Variants in USP48 observed in about 807,000 individuals in gnomAD.
USP48 encodes ubiquitin carboxyl-terminal hydrolase 48.
In USP48, 43 loss-of-function variants were observed where a neutral mutation model predicts 150.7. That is an observed-to-expected ratio of 0.29 (90% CI 0.22 to 0.37). USP48 has a LOEUF of 0.37. USP48 is among the 10% of genes least tolerant of loss of function. The pLI is 1.00. For missense variants in USP48, 813 were observed against 1,249.6 expected (o/e 0.65, Z 5.27); for synonymous variants, 396 against 425.9 (o/e 0.93, Z 0.86).
chr1:21,763,922 A>G (rs960605303), intron 1 of USP48, among the ~76,000 whole-genome samples: 7 of 152,222 alleles, frequency 4.6e-5, no homozygotes, highest in African/African-American at 1.2e-4. Flanking sequence ...AGCCAGCCTT[A>G]GCAGCACAGC....
At position 21,748,124 on chromosome 1, in the gene USP48, T is replaced by C. The variant is rs1479409839; in HGVS notation, c.908+14A>G. 1.2e-6 allele frequency: 2 copies of C among 1,609,956 alleles called. No homozygotes were observed. Among genetic ancestry groups the C allele is most frequent in the Non-Finnish European group, 1.7e-6 (2 of 1,178,134 alleles). On this transcript the variant is annotated intron_variant, in intron 7 of 26. Transcript: ENST00000308271. Reference sequence around the variant, plus strand: ...CACAATGAACAACAAACACTAATATTTGCACACATTTACCTGTCAAAGACA... The same window carrying C: ...CACAATGAACAACAAACACTAATATCTGCACACATTTACCTGTCAAAGACA...
chr1:21,746,730 T>C (rs1410273468), intron 8 of USP48, among the ~76,000 whole-genome samples: 1 of 152,174 alleles, frequency 6.6e-6, no homozygotes, highest in Non-Finnish European at 1.5e-5. Flanking sequence ...TGGAGACTGT[T>C]AGTTTTGAGA....
chr1:21,686,909 G>A, intron 25 of USP48: 3 of 444,612 alleles, frequency 6.7e-6, no homozygotes, highest in South Asian at 5.2e-5. Context: ...GTGTGTGCCT[G>A]TCTGGGGCAC....
chr1:21,736,097 T>G (rs761713999), intron 9 of USP48, among the ~76,000 whole-genome samples: 3 of 151,560 alleles, frequency 2.0e-5, no homozygotes, highest in Admixed American at 6.6e-5. Context: ...TTTGACAAAA[T>G]TTTTACCTGA....
chr1:21,706,723 G>C, intron 16 of USP48, 21 bp downstream of exon 16: 2 of 1,610,644 alleles, frequency 1.2e-6, no homozygotes, highest in African/African-American at 1.3e-5. Flanking sequence ...CATTTCCCCA[G>C]ATGTCAGTAG....
intron 1 of USP48, among the ~76,000 whole-genome samples, chr1:21,767,950 G>A (rs1295175497): frequency 2.6e-5 from 4 of 152,148 alleles, no homozygotes; most frequent in Non-Finnish European, 5.9e-5. Flanking sequence ...GCTCACGCCT[G>A]CAATCCCAGC....
intron 23 of USP48, among the ~76,000 whole-genome samples, chr1:21,691,166 T>C (rs1299540062): frequency 6.6e-6 from 1 of 151,594 alleles, no homozygotes; most frequent in African/African-American, 2.4e-5. Flanking sequence ...AATACAAAAT[T>C]AGCTGAGTAT....
chr1:21,729,947 A>T, intron 9 of USP48, 115 bp from the exon 10 acceptor site: 1 of 1,248,130 alleles, frequency 8.0e-7, no homozygotes, highest in Non-Finnish European at 1.1e-6. Context: ...ATTAACACCA[A>T]TCTAAAACAT....
At chr1:21,714,637 C>G (rs1169976270) in intron 15 of USP48, among the ~76,000 whole-genome samples, 1 of 152,178 alleles carries the variant, frequency 6.6e-6, no homozygotes, top group Non-Finnish European at 1.5e-5. Flanking sequence ...GCTTGACTTT[C>G]ACGGTGCTAT....
chr1:21,739,684 T>C (rs2097776880), intron 8 of USP48, among the ~76,000 whole-genome samples: 1 of 152,170 alleles, frequency 6.6e-6, no homozygotes, highest in African/African-American at 2.4e-5. Flanking sequence ...TATTTCAAAA[T>C]GCACAACGCA....
intron 24 of USP48, 106 bp downstream of exon 24, chr1:21,689,868 C>A: frequency 6.8e-7 from 1 of 1,469,078 alleles, no homozygotes; most frequent in South Asian, 1.4e-5. Flanking sequence ...TCACTACCCT[C>A]TGCTAAAGAC....
At chr1:21,699,796 G>C (rs1373248921) in intron 22 of USP48, among the ~76,000 whole-genome samples, 1 of 146,258 alleles carries the variant, frequency 6.8e-6, no homozygotes, top group Non-Finnish European at 1.5e-5. Context: ...AATTACAGGC[G>C]TGAGCCACTG....
chr1:21,733,887 G>A (rs1350382124), intron 9 of USP48, among the ~76,000 whole-genome samples: 1 of 151,854 alleles, frequency 6.6e-6, no homozygotes, highest in African/African-American at 2.4e-5. Context: ...GATCTCCTGG[G>A]CTCAAGCATC....
chr1:21,728,339 G>T (rs1197751231), intron 11 of USP48: 8 of 1,282,698 alleles, frequency 6.2e-6, no homozygotes, highest in Non-Finnish European at 7.9e-6. Flanking sequence ...TGACCTAAAT[G>T]TTATAATTTA....
intron 15 of USP48, among the ~76,000 whole-genome samples, chr1:21,711,291 G>A (rs1273998030): frequency 6.6e-6 from 1 of 152,054 alleles, no homozygotes; most frequent in Admixed American, 6.6e-5. Flanking sequence ...TCCTCATGAA[G>A]TAAAGGTAGG....
At chr1:21,722,563 G>A (rs2097724404) in intron 12 of USP48, among the ~76,000 whole-genome samples, 2 of 150,978 alleles carry the variant, frequency 1.3e-5, no homozygotes. Context: ...AAAAAACAGG[G>A]GCCAGATATG....
chr1:21,753,502 G>A (rs1223407272), intron 3 of USP48, among the ~76,000 whole-genome samples: 1 of 149,784 alleles, frequency 6.7e-6, no homozygotes, highest in Non-Finnish European at 1.5e-5. Context: ...CTGCAGTGAG[G>A]TGAGATCGCC....
chr1:21,752,390 A>G lies in USP48; in HGVS notation c.665+137T>C, dbSNP rs926877516. On this transcript the variant is annotated intron_variant, in intron 5 of 26. Coordinates refer to ENST00000308271, the MANE Select transcript of USP48 (RefSeq NM_032236.8). ...CTCACTTGTTTATATGTTCCCATGG[A>G]AATGTATTACTATAAATATTTCAGG... 17 of 1,049,920 alleles carry G rather than the reference A, an allele frequency of 1.6e-5. No homozygotes were observed. The African/African-American group carries it at 2.8e-4, about 17-fold the overall frequency. The allele number at this position is 1,049,920 out of a possible 1,614,324, so 65.0% of individuals were successfully genotyped here. A position where few individuals can be genotyped will look rare whatever the true frequency, so the allele number is the denominator to read the frequency against.
chr1:21,752,425 A>C, intron 5 of USP48, 102 bp downstream of exon 5: 1 of 1,384,178 alleles, frequency 7.2e-7, no homozygotes, highest in Non-Finnish European at 9.9e-7. Flanking sequence ...GTCCCATGAT[A>C]AACCACTAAA....
Sources: gnomAD v4.1 joint callset for allele counts (sites outside exome capture counted in the v4.1 genomes callset) on GRCh38, gnomAD v4.1.1 for gene constraint, MANE v1.5 for transcripts, NCBI Gene and HGNC (gene_info 2026-07-23, HGNC 2026-07-21) for gene names.